SLC35F4: variants seen among roughly 807,000 people sequenced by gnomAD.
The protein encoded by SLC35F4 is solute carrier family 35 member F4, also known as chromosome 14 open reading frame 36.
Under a neutral mutation model 44.2 loss-of-function variants are expected in SLC35F4, and 24 were observed. The ratio of observed to expected loss-of-function variants is 0.54; its 90% CI spans 0.39 to 0.76. The LOEUF is 0.76. Among genes scored for constraint, SLC35F4 ranks in the 30% least tolerant of loss-of-function variants. The pLI, the probability that SLC35F4 is intolerant of heterozygous loss-of-function variation, is 0.00. For missense variants in SLC35F4, 562 were observed against 586.1 expected (o/e 0.96, Z 0.42); for synonymous variants, 238 against 223.6 (o/e 1.06, Z -0.57).
chr14:57,796,654 T>C (rs1566862027), intron 1 of SLC35F4, among the ~76,000 whole-genome samples: 1 of 152,218 alleles, frequency 6.6e-6, no homozygotes, highest in Non-Finnish European at 1.5e-5. Flanking sequence ...TAAAAACATT[T>C]ATTTAAATTC....
intron 1 of SLC35F4, among the ~76,000 whole-genome samples, chr14:57,749,002 C>A (rs962271489): frequency 3.3e-5 from 5 of 152,064 alleles, no homozygotes; most frequent in African/African-American, 1.2e-4. Flanking sequence ...TCACATTTTA[C>A]AGATGAAGAT....
intron 1 of SLC35F4, among the ~76,000 whole-genome samples, chr14:57,621,525 C>A (rs1465883854): frequency 2.0e-5 from 3 of 152,112 alleles, no homozygotes; most frequent in Non-Finnish European, 1.5e-5. Context: ...ATATCTACAA[C>A]TATCTGATCT....
intron 1 of SLC35F4, chr14:57,981,817 A>G (rs1246152241): frequency 6.6e-6 from 1 of 150,496 alleles, no homozygotes; most frequent in South Asian, 2.1e-4. Context: ...GCCATTTAAG[A>G]GAGACAAACA....
intron 1 of SLC35F4, among the ~76,000 whole-genome samples, chr14:57,676,625 A>C (rs528829410): frequency 2.6e-5 from 4 of 152,262 alleles, no homozygotes; most frequent in African/African-American, 9.6e-5. Flanking sequence ...ACAATTCTCA[A>C]AAGAAGATAT....
At chr14:57,965,343 T>TC (rs60699250) in intron 1 of SLC35F4, among the ~76,000 whole-genome samples, 51,329 of 151,886 alleles carry the variant, frequency 0.34, 10,197 homozygotes, top group African/African-American at 0.55. Context: ...CTTTTCTACC[T>TC]CCTCTTCTAC....
At chr14:57,739,001 A>C (rs1171973334) in intron 1 of SLC35F4, among the ~76,000 whole-genome samples, 4 of 143,960 alleles carry the variant, frequency 2.8e-5, no homozygotes, top group Non-Finnish European at 6.3e-5. Context: ...AAAGTAATAC[A>C]AAGTTTCTTT....
chr14:57,670,724 A>T (rs1697567521), intron 1 of SLC35F4, among the ~76,000 whole-genome samples: 1 of 151,590 alleles, frequency 6.6e-6, no homozygotes, highest in African/African-American at 2.4e-5. Flanking sequence ...TTCTTTTAAC[A>T]TTTTACTGTT....
At chr14:57,800,978 A>T (rs1450190578) in intron 1 of SLC35F4, among the ~76,000 whole-genome samples, 1 of 152,230 alleles carries the variant, frequency 6.6e-6, no homozygotes, top group Non-Finnish European at 1.5e-5. Flanking sequence ...TCCCCAACCT[A>T]GCAAGACAGG....
intron 2 of SLC35F4, 82 bp downstream of exon 2, chr14:57,593,857 G>C: frequency 6.9e-7 from 1 of 1,456,868 alleles, no homozygotes; most frequent in Non-Finnish European, 9.4e-7. Flanking sequence ...TAACATCTCT[G>C]CATTCTGTGA....
intron 1 of SLC35F4, among the ~76,000 whole-genome samples, chr14:57,795,778 G>A (rs184459150): frequency 6.6e-6 from 1 of 152,094 alleles, no homozygotes; most frequent in East Asian, 1.9e-4. Context: ...ATTAATAATA[G>A]ACATCTTTCA....
chr14:57,720,550 A>G (rs1394030367), intron 1 of SLC35F4, among the ~76,000 whole-genome samples: 1 of 152,028 alleles, frequency 6.6e-6, no homozygotes, highest in East Asian at 1.9e-4. Flanking sequence ...TCCTGGGTCA[A>G]TCTTGGTAGG....
Position 57,739,711 on chromosome 14 carries a change from C to A in SLC35F4, c.103+126012G>T, listed in dbSNP as rs541128106. ...AGTCCAGGCCTGGGCTTGAAACCTGCCCATGCCATTTATTACATTCCTTAT... is the reference window on the plus strand; with the variant it reads ...AGTCCAGGCCTGGGCTTGAAACCTGACCATGCCATTTATTACATTCCTTAT... On this transcript the variant is annotated intron_variant, in intron 1 of 7. Transcript: ENST00000556826. Among the ~76,000 whole-genome samples the A allele has an allele frequency of 3.3e-5, 5 of 152,262 alleles. No homozygotes were observed. In the East Asian group the frequency reaches 9.6e-4, roughly 29 times the overall value.
chr14:57,961,121 C>T (rs564133924), intron 1 of SLC35F4, among the ~76,000 whole-genome samples: 6 of 152,226 alleles, frequency 3.9e-5, no homozygotes, highest in East Asian at 1.9e-4. Context: ...GACGGAGAGA[C>T]GTGATTTTCA....
At chr14:57,662,575 C>T (rs2074172636) in intron 1 of SLC35F4, among the ~76,000 whole-genome samples, 1 of 152,092 alleles carries the variant, frequency 6.6e-6, no homozygotes, top group Non-Finnish European at 1.5e-5. Flanking sequence ...TGTTATGATG[C>T]AACACAAGGC....
At chr14:57,864,596 C>A (rs1026036006) in intron 1 of SLC35F4, among the ~76,000 whole-genome samples, 1 of 152,096 alleles carries the variant, frequency 6.6e-6, no homozygotes, top group Admixed American at 6.5e-5. Flanking sequence ...GTCTTTGTGC[C>A]GGAATTTTTG....
intron 1 of SLC35F4, among the ~76,000 whole-genome samples, chr14:57,823,721 T>C (rs930249104): frequency 1.3e-5 from 2 of 152,234 alleles, no homozygotes; most frequent in Non-Finnish European, 1.5e-5. Flanking sequence ...GTTTATTACA[T>C]AGAAATTCAC....
intron 1 of SLC35F4, among the ~76,000 whole-genome samples, chr14:57,607,710 T>C (rs2071245070): frequency 6.6e-6 from 1 of 152,172 alleles, no homozygotes; most frequent in Admixed American, 6.5e-5. Context: ...GATCACTGTG[T>C]AACGTGGAGA....
chr14:57,636,299 C>A (rs1045115284), intron 1 of SLC35F4, among the ~76,000 whole-genome samples: 2 of 152,138 alleles, frequency 1.3e-5, no homozygotes, highest in Non-Finnish European at 2.9e-5. Context: ...ACCTTACTAA[C>A]ATGCTTTGAA....
intron 1 of SLC35F4, among the ~76,000 whole-genome samples, chr14:57,843,270 T>TA (rs1170878440): frequency 6.6e-6 from 1 of 152,166 alleles, no homozygotes; most frequent in African/African-American, 2.4e-5. Context: ...CCCTGACTGA[T>TA]ACACTGTCCT....
Sources: allele counts gnomAD v4.1 joint callset (sites outside exome capture counted in the v4.1 genomes callset), GRCh38; gene constraint gnomAD v4.1.1; transcripts MANE v1.5; gene names NCBI Gene and HGNC (gene_info 2026-07-23, HGNC 2026-07-21).